Variants in TMEM156 observed in about 807,000 individuals in gnomAD.
TMEM156 encodes the protein transmembrane protein 156.
A neutral mutation model predicts 30.5 loss-of-function variants in TMEM156; 28 were observed. The observed-to-expected ratio is 0.92, with a 90% CI of 0.68 to 1.26. The LOEUF (loss-of-function observed/expected upper bound fraction) is 1.26, where lower values mean the gene tolerates loss of function less well. TMEM156 is among the 50% of genes most tolerant of loss of function. TMEM156 has a pLI of 0.00. For synonymous variants in TMEM156, 137 were observed against 119.9 expected, an observed-to-expected ratio of 1.14 and a Z score of -0.93; for missense variants, 351 against 340.6, an observed-to-expected ratio of 1.03 and a Z score of -0.24.
intron 1 of TMEM156, among the ~76,000 whole-genome samples, chr4:39,000,864 G>A (rs925498335): frequency 9.9e-5 from 15 of 152,052 alleles, no homozygotes; most frequent in Non-Finnish European, 1.2e-4. Flanking sequence ...TCCAGACTGG[G>A]CAACAGAGTG....
chr4:38,990,916 C>G (rs1320579476), intron 3 of TMEM156, among the ~76,000 whole-genome samples: 2 of 142,356 alleles, frequency 1.4e-5, no homozygotes, highest in Non-Finnish European at 3.0e-5. Flanking sequence ...TCACTGCAAC[C>G]TCCACCTCCC....
chr4:38,981,679 G>GTT, intron 5 of TMEM156, among the ~76,000 whole-genome samples: 1 of 152,186 alleles, frequency 6.6e-6, no homozygotes, highest in South Asian at 2.1e-4. Context: ...CTTATCTTCA[G>GTT]TTTTCTCATC....
chr4:38,994,056 C>T (rs1009572715), intron 2 of TMEM156, 58 bp from the exon 3 acceptor site: 5 of 1,445,950 alleles, frequency 3.5e-6, no homozygotes, highest in Admixed American at 3.8e-5. Flanking sequence ...CAAGAAAACA[C>T]ATACAATTCA....
intron 1 of TMEM156, 142 bp from the exon 2 acceptor site, chr4:38,999,051 C>T (rs1713140554): frequency 4.5e-6 from 2 of 441,292 alleles, no homozygotes; most frequent in African/African-American, 4.0e-5. Flanking sequence ...GTTTTTTAAA[C>T]TTGAATTAAC....
chr4:38,989,052 A>G, intron 3 of TMEM156, 82 bp from the exon 4 acceptor site: 1 of 1,408,510 alleles, frequency 7.1e-7, no homozygotes, highest in South Asian at 1.2e-5. Context: ...GCTGAGTTCT[A>G]CAACATATTC....
At chr4:39,025,404 T>C (rs1236443866) in intron 1 of TMEM156, among the ~76,000 whole-genome samples, 1 of 140,118 alleles carries the variant, frequency 7.1e-6, no homozygotes, top group Non-Finnish European at 1.6e-5. Flanking sequence ...TCCACTTCAA[T>C]AGCAAAAACT....
At chr4:39,010,344 C>G (rs529507751) in intron 1 of TMEM156, among the ~76,000 whole-genome samples, 5 of 152,072 alleles carry the variant, frequency 3.3e-5, no homozygotes, top group African/African-American at 1.2e-4. Context: ...ACAGATTCAA[C>G]GCTATTCTTA....
At chr4:39,016,143 G>A (rs1714467779) in intron 1 of TMEM156, among the ~76,000 whole-genome samples, 1 of 152,122 alleles carries the variant, frequency 6.6e-6, no homozygotes, top group African/African-American at 2.4e-5. Flanking sequence ...GGGAGGCCAA[G>A]GCAGGCAGAT....
In TMEM156 at chr4:39,018,581, T is replaced by G. The variant is rs192219962; in HGVS notation, c.88+13645A>C. Among the ~76,000 whole-genome samples, 600 of 152,330 alleles carry G rather than the reference T, an allele frequency of 3.9e-3. 3 individuals are homozygous for G. The highest frequency in any genetic ancestry group is 5.6e-3 in the Non-Finnish European group (378 of 68,020). ...TACCTGAAAATATACATCTCACCAATTCTAGGTCAACAAAAATTTTGCCTC... is the reference window on the plus strand; with the variant it reads ...TACCTGAAAATATACATCTCACCAAGTCTAGGTCAACAAAAATTTTGCCTC... On this transcript the variant is annotated intron_variant, in intron 1 of 6. Transcript: ENST00000381938.
intron 6 of TMEM156, among the ~76,000 whole-genome samples, chr4:38,968,828 C>T (rs138479221): frequency 1.2e-4 from 18 of 152,284 alleles, no homozygotes; most frequent in African/African-American, 3.8e-4. Context: ...ATCCCTTTGG[C>T]TGCCTCTCCC....
At chr4:39,025,711 A>G (rs1715160972) in intron 1 of TMEM156, among the ~76,000 whole-genome samples, 1 of 152,214 alleles carries the variant, frequency 6.6e-6, no homozygotes, top group African/African-American at 2.4e-5. Context: ...GAAGCAAATG[A>G]ATATTATGAA....
At chr4:38,970,552 T>C (rs980287557) in intron 6 of TMEM156, among the ~76,000 whole-genome samples, 2 of 152,144 alleles carry the variant, frequency 1.3e-5, no homozygotes, top group Non-Finnish European at 2.9e-5. Context: ...TTAAGAAAGA[T>C]TTGATGAATG....
At chr4:38,992,952 G>A (rs1343952297) in intron 3 of TMEM156, among the ~76,000 whole-genome samples, 6 of 150,168 alleles carry the variant, frequency 4.0e-5, no homozygotes, top group South Asian at 2.1e-4. Context: ...TAGTAGAGAC[G>A]GGGTTTCACT....
At chr4:39,010,955 C>T (rs1714071578) in intron 1 of TMEM156, among the ~76,000 whole-genome samples, 1 of 152,160 alleles carries the variant, frequency 6.6e-6, no homozygotes, top group African/African-American at 2.4e-5. Flanking sequence ...GCAAAATAAA[C>T]TATCAACAGA....
chr4:38,977,609 A>G (rs992718847), intron 5 of TMEM156, among the ~76,000 whole-genome samples: 7 of 152,244 alleles, frequency 4.6e-5, no homozygotes, highest in Non-Finnish European at 7.3e-5. Flanking sequence ...TTCAAATAAT[A>G]TTAATTCACC....
At chr4:38,986,590 C>T (rs1245422485) in intron 4 of TMEM156, among the ~76,000 whole-genome samples, 171 bp from the exon 5 acceptor site, 4 of 151,768 alleles carry the variant, frequency 2.6e-5, no homozygotes, top group East Asian at 1.9e-4. Flanking sequence ...AGGGAGATCA[C>T]GAAGTCAGGA....
intron 5 of TMEM156, among the ~76,000 whole-genome samples, chr4:38,985,030 A>G (rs922888208): frequency 6.6e-6 from 1 of 152,196 alleles, no homozygotes; most frequent in African/African-American, 2.4e-5. Context: ...CAGACAAGAC[A>G]GCAGTGCTCA....
intron 2 of TMEM156, among the ~76,000 whole-genome samples, chr4:38,995,557 T>C (rs1246964776): frequency 6.6e-6 from 1 of 152,042 alleles, no homozygotes; most frequent in Non-Finnish European, 1.5e-5. Context: ...TCTACTAAAA[T>C]ACAAAAAATT....
intron 1 of TMEM156, among the ~76,000 whole-genome samples, chr4:39,026,340 C>T (rs1367360728): frequency 6.8e-6 from 1 of 147,122 alleles, no homozygotes. Context: ...AAAGCAAGAC[C>T]CTGTCTCTCT....
Sources: gnomAD v4.1 joint callset for allele counts (sites outside exome capture counted in the v4.1 genomes callset) on GRCh38, gnomAD v4.1.1 for gene constraint, MANE v1.5 for transcripts, NCBI Gene and HGNC (gene_info 2026-07-23, HGNC 2026-07-21) for gene names.